PTPRD: variants seen among roughly 807,000 people sequenced by gnomAD.
The protein encoded by PTPRD is protein tyrosine phosphatase receptor type D.
In PTPRD, 34 loss-of-function variants were observed where a neutral mutation model predicts 214.5. The observed-to-expected ratio is 0.16, with a 90% CI of 0.12 to 0.21. PTPRD has a LOEUF of 0.21. PTPRD is among the 10% of genes least tolerant of loss of function. The probability of loss-of-function intolerance (pLI) is 1.00; values close to 1 mark genes in which losing one functional copy is unlikely to be tolerated. For missense variants in PTPRD, 2,545 were observed against 2,398.7 expected (o/e 1.06, Z -1.27); for synonymous variants, 1,128 against 845.7 (o/e 1.33, Z -5.79).
At chr9:10,303,693 C>G (rs2095948354) in intron 3 of PTPRD, among the ~76,000 whole-genome samples, 1 of 145,546 alleles carries the variant, frequency 6.9e-6, no homozygotes, top group Non-Finnish European at 1.5e-5. Flanking sequence ...GACACATACA[C>G]CCTCCCAAGA....
At chr9:10,414,126 G>T (rs2154513229) in intron 2 of PTPRD, among the ~76,000 whole-genome samples, 1 of 152,076 alleles carries the variant, frequency 6.6e-6, no homozygotes, top group African/African-American at 2.4e-5. Context: ...AAACTTAAGA[G>T]CTTGGGCACA....
intron 11 of PTPRD, among the ~76,000 whole-genome samples, chr9:8,840,000 T>C (rs2097527768): frequency 6.6e-6 from 1 of 152,222 alleles, no homozygotes; most frequent in African/African-American, 2.4e-5. Context: ...GATAAAAGGA[T>C]TATGAGCAAA....
At chr9:9,993,232 A>G (rs980369288) in intron 4 of PTPRD, among the ~76,000 whole-genome samples, 4 of 152,176 alleles carry the variant, frequency 2.6e-5, no homozygotes, top group African/African-American at 9.6e-5. Context: ...ATTTGGCTAT[A>G]TCTACTAAAT....
chr9:10,470,595 T>C, intron 2 of PTPRD, among the ~76,000 whole-genome samples: 1 of 152,292 alleles, frequency 6.6e-6, no homozygotes, highest in South Asian at 2.1e-4. Flanking sequence ...TGGGATAGAC[T>C]AGGGTTTTGT....
At chr9:9,587,014 T>TA (rs1176547247) in intron 7 of PTPRD, among the ~76,000 whole-genome samples, 24 of 152,124 alleles carry the variant, frequency 1.6e-4, no homozygotes, top group African/African-American at 5.5e-4. Context: ...GAAGCCAGTC[T>TA]ATCATAGCAA....
chr9:9,191,914 A>C (rs999050128), intron 9 of PTPRD, among the ~76,000 whole-genome samples: 1 of 152,052 alleles, frequency 6.6e-6, no homozygotes, highest in African/African-American at 2.4e-5. Context: ...AACAACAGAA[A>C]ATTTGATTTG....
chr9:9,958,322 G>C (rs766523222), intron 4 of PTPRD, among the ~76,000 whole-genome samples: 3 of 152,148 alleles, frequency 2.0e-5, no homozygotes, highest in Non-Finnish European at 2.9e-5. Flanking sequence ...CTGAGGTCAG[G>C]AGTTCAAGGC....
At chr9:9,547,409 G>T in intron 8 of PTPRD, among the ~76,000 whole-genome samples, 1 of 152,002 alleles carries the variant, frequency 6.6e-6, no homozygotes, top group Admixed American at 6.6e-5. Context: ...TAGATTCAGT[G>T]AAATTTTTGT....
intron 11 of PTPRD, among the ~76,000 whole-genome samples, chr9:8,897,571 G>T (rs2098630195): frequency 6.6e-6 from 1 of 152,158 alleles, no homozygotes; most frequent in Non-Finnish European, 1.5e-5. Flanking sequence ...TGAGCTGTCT[G>T]CACCAGTAAA....
chr9:9,911,120 A>G (rs549254551), intron 5 of PTPRD, among the ~76,000 whole-genome samples: 1 of 152,124 alleles, frequency 6.6e-6, no homozygotes, highest in Admixed American at 6.6e-5. Context: ...TTGTGTGGAT[A>G]ATATACATCA....
intron 9 of PTPRD, among the ~76,000 whole-genome samples, chr9:9,392,552 G>A (rs1316855425): frequency 6.6e-6 from 1 of 152,126 alleles, no homozygotes; most frequent in Non-Finnish European, 1.5e-5. Context: ...GTTAGGTCAA[G>A]AGTAGAATTC....
chr9:8,550,609 A>G (rs1438139607), intron 14 of PTPRD, among the ~76,000 whole-genome samples: 1 of 152,244 alleles, frequency 6.6e-6, no homozygotes, highest in Non-Finnish European at 1.5e-5. Flanking sequence ...TGGAAAGAGT[A>G]GCAACAAATT....
intron 26 of PTPRD, 91 bp from the exon 27 acceptor site, chr9:8,493,070 G>T: frequency 9.8e-7 from 1 of 1,023,358 alleles, no homozygotes; most frequent in Non-Finnish European, 1.5e-6. Context: ...TTCTGCAAAT[G>T]CTCGCACATC....
chr9:9,184,489 C>T (rs2099930174), intron 9 of PTPRD, among the ~76,000 whole-genome samples: 2 of 152,114 alleles, frequency 1.3e-5, no homozygotes, highest in African/African-American at 4.8e-5. Flanking sequence ...TCAGGATCAC[C>T]CCTCACTTCC....
chr9:8,340,060 G>C (rs1370350950), intron 42 of PTPRD, among the ~76,000 whole-genome samples: 2 of 152,086 alleles, frequency 1.3e-5, no homozygotes, highest in African/African-American at 4.8e-5. Flanking sequence ...TATGCTAAAA[G>C]AAGTCCGACA....
intron 34 of PTPRD, among the ~76,000 whole-genome samples, chr9:8,449,342 A>T (rs1314818651): frequency 6.6e-6 from 1 of 150,920 alleles, no homozygotes; most frequent in East Asian, 2.0e-4. Flanking sequence ...TTCCCATGGG[A>T]TGAAAGATGT....
intron 5 of PTPRD, among the ~76,000 whole-genome samples, chr9:9,925,563 T>C (rs2083979907): frequency 6.6e-6 from 1 of 152,060 alleles, no homozygotes; most frequent in African/African-American, 2.4e-5. Flanking sequence ...AACAGTAATA[T>C]TAAATATAGT....
chr9:8,777,917 C>A (rs927401311), intron 11 of PTPRD, among the ~76,000 whole-genome samples: 2 of 152,132 alleles, frequency 1.3e-5, no homozygotes, highest in Admixed American at 6.5e-5. Context: ...CTCTATACAA[C>A]AGAAGAAATT....
chr9:10,199,299 C>T (rs901783527), intron 3 of PTPRD, among the ~76,000 whole-genome samples: 1 of 152,076 alleles, frequency 6.6e-6, no homozygotes, highest in African/African-American at 2.4e-5. Context: ...TGACAATTCT[C>T]ACTGAGAAAT....
Sources: gnomAD v4.1 joint callset for allele counts (sites outside exome capture counted in the v4.1 genomes callset) on GRCh38, gnomAD v4.1.1 for gene constraint, MANE v1.5 for transcripts, NCBI Gene and HGNC (gene_info 2026-07-23, HGNC 2026-07-21) for gene names.